Variants in ZNF391 observed in about 807,000 individuals in gnomAD.
The protein encoded by ZNF391 is zinc finger protein 391.
For missense variants in ZNF391, 375 were observed against 425.5 expected (o/e 0.88, Z 1.04); for synonymous variants, 126 against 142.1 (o/e 0.89, Z 0.80).
chr6:27,380,957 A>G (rs904415473), intron 1 of ZNF391, among the ~76,000 whole-genome samples: 1 of 152,230 alleles, frequency 6.6e-6, no homozygotes, highest in Non-Finnish European at 1.5e-5. Context: ...AGCTAGACAT[A>G]AAGGTTCTCC....
chr6:27,392,226 T>G (rs1243769123), intron 1 of ZNF391, among the ~76,000 whole-genome samples: 1 of 152,190 alleles, frequency 6.6e-6, no homozygotes, highest in Non-Finnish European at 1.5e-5. Flanking sequence ...GGATGCCACT[T>G]GCACTTCAGT....
chr6:27,380,389 C>T (rs557563369), intron 1 of ZNF391, among the ~76,000 whole-genome samples: 1 of 152,076 alleles, frequency 6.6e-6, no homozygotes, highest in Non-Finnish European at 1.5e-5. Context: ...TAAGGCAGCA[C>T]GTCTAGAGTT....
chr6:27,394,488 G>A (rs948431756), intron 1 of ZNF391, among the ~76,000 whole-genome samples: 1 of 152,228 alleles, frequency 6.6e-6, no homozygotes, highest in Non-Finnish European at 1.5e-5. Context: ...CCTCTGCCTA[G>A]AGTTAAGAGG....
intron 2 of ZNF391, 49 bp from the exon 3 acceptor site, chr6:27,400,244 G>T: frequency 8.2e-6 from 6 of 730,280 alleles, no homozygotes; most frequent in South Asian, 2.8e-5. Flanking sequence ...TATTTTCTTT[G>T]CTCTCCATAG....
At chr6:27,388,033 A>G (rs149754455), upstream of ZNF391, among the ~76,000 whole-genome samples, 3,278 of 152,268 alleles carry the variant, frequency 0.022, 54 homozygotes, top group Admixed American at 0.038. Flanking sequence ...ACTTGTGCAC[A>G]GCTGTCATGT....
At chr6:27,380,449 C>G (rs1761480793) in intron 1 of ZNF391, among the ~76,000 whole-genome samples, 3 of 152,216 alleles carry the variant, frequency 2.0e-5, no homozygotes, top group Admixed American at 2.0e-4. Flanking sequence ...AAGAGTGAAG[C>G]TGCAGACCTT....
intron 1 of ZNF391, among the ~76,000 whole-genome samples, chr6:27,394,085 CT>C (rs1227077347): frequency 6.6e-6 from 1 of 152,116 alleles, no homozygotes; most frequent in African/African-American, 2.4e-5. Context: ...AAAAAAAAAG[CT>C]TTTTCAGCAG....
intron 1 of ZNF391, chr6:27,391,138 C>G (rs6936539): frequency 0.71 from 107,200 of 150,474 alleles, 38,395 homozygotes; most frequent in Middle Eastern, 0.82. Context: ...CCAGACATAA[C>G]TGTCCATTGT....
At chr6:27,384,251 G>T (rs1385572899), upstream of ZNF391, among the ~76,000 whole-genome samples, 2 of 151,964 alleles carry the variant, frequency 1.3e-5, no homozygotes, top group Admixed American at 6.6e-5. Flanking sequence ...ATCACTTGAG[G>T]CCAGGAGTTC....
At chr6:27,379,101 T>C (rs1339892711) in intron 1 of ZNF391, among the ~76,000 whole-genome samples, 2 of 152,246 alleles carry the variant, frequency 1.3e-5, no homozygotes, top group Non-Finnish European at 2.9e-5. Flanking sequence ...CTGCTTCACA[T>C]GCCAGTTGTT....
chr6:27,394,229 T>C (rs1761775186), intron 1 of ZNF391, among the ~76,000 whole-genome samples: 1 of 152,162 alleles, frequency 6.6e-6, no homozygotes, highest in African/African-American at 2.4e-5. Context: ...AGGCGATGCC[T>C]CCCATCATAG....
At chr6:27,400,253 A>T in intron 2 of ZNF391, 40 bp from the exon 3 acceptor site, 1 of 840,488 alleles carries the variant, frequency 1.2e-6, no homozygotes, top group Non-Finnish European at 1.9e-6. Context: ...TGCTCTCCAT[A>T]GTAGATACAG....
Position 27,389,053 on chromosome 6 carries a change from G to T in ZNF391, c.-210G>T, listed in dbSNP as rs1433659222. The T allele has an allele frequency of 2.2e-6, 1 of 456,400 alleles. No individual in the cohort carries two copies. The allele number at this position is 456,400 out of a possible 1,614,324, so 28.3% of individuals were successfully genotyped here. A position where few individuals can be genotyped will look rare whatever the true frequency, so the allele number is the denominator to read the frequency against. On this transcript the variant is annotated 5_prime_UTR_variant, in exon 1 of 3. Coordinates refer to ENST00000244576, the MANE Select transcript of ZNF391 (RefSeq NM_001076781.3). ...CGGCCGGAGGCGGCCGGTGAGTGAG[G>T]CTTACAGGGCCCCGGGACCAAGGTG...
At chr6:27,389,812 C>G (rs188954049) in intron 1 of ZNF391, among the ~76,000 whole-genome samples, 3 of 152,256 alleles carry the variant, frequency 2.0e-5, no homozygotes, top group East Asian at 1.9e-4. Context: ...GCCCCTCCCC[C>G]CCAAAAAAGA....
intron 1 of ZNF391, chr6:27,389,325 T>C (rs1761650177): frequency 2.2e-6 from 1 of 454,788 alleles, no homozygotes; most frequent in South Asian, 1.6e-5. Context: ...GCAGGGTTGC[T>C]CCCTGCTTCC....
chr6:27,380,761 T>C (rs9468084), intron 1 of ZNF391, among the ~76,000 whole-genome samples: 7 of 25,208 alleles, frequency 2.8e-4, no homozygotes, highest in Non-Finnish European at 7.3e-4. Context: ...GTTCTCCACG[T>C]CCCCACCAGA....
intron 1 of ZNF391, among the ~76,000 whole-genome samples, chr6:27,382,169 T>C (rs1265637704): frequency 6.6e-6 from 1 of 151,986 alleles, no homozygotes; most frequent in Non-Finnish European, 1.5e-5. Flanking sequence ...CCGTCTCTGC[T>C]AAAAATACCA....
chr6:27,392,475 C>T (rs564810266), intron 1 of ZNF391, among the ~76,000 whole-genome samples: 4 of 152,326 alleles, frequency 2.6e-5, no homozygotes, highest in African/African-American at 7.2e-5. Context: ...TAGTCTCGAA[C>T]TCCTGACCTC....
intron 1 of ZNF391, among the ~76,000 whole-genome samples, chr6:27,399,042 C>A (rs12663650): frequency 0.46 from 69,279 of 151,760 alleles, 16,959 homozygotes; most frequent in South Asian, 0.56. Flanking sequence ...AGAAGATAGT[C>A]CAAGTTAGCA....
Sources: gnomAD v4.1 joint callset for allele counts (sites outside exome capture counted in the v4.1 genomes callset) on GRCh38, gnomAD v4.1.1 for gene constraint, MANE v1.5 for transcripts, NCBI Gene and HGNC (gene_info 2026-07-23, HGNC 2026-07-21) for gene names.